ZFHX4: variants seen among roughly 807,000 people sequenced by gnomAD.
ZFHX4 encodes zinc finger homeobox protein 4.
In ZFHX4, 56 loss-of-function variants were observed where a neutral mutation model predicts 267.6. The ratio of observed to expected loss-of-function variants is 0.21; its 90% confidence interval spans 0.17 to 0.26. The LOEUF (loss-of-function observed/expected upper bound fraction) is 0.26, where lower values mean the gene tolerates loss of function less well. Ranked by LOEUF, ZFHX4 falls within the 10% of genes least tolerant of loss-of-function variation. ZFHX4 has a pLI of 1.00. For missense variants in ZFHX4, 4,332 were observed against 4,420.0 expected (o/e 0.98, Z 0.56); for synonymous variants, 1,778 against 1,665.6 (o/e 1.07, Z -1.64).
intron 5 of ZFHX4, among the ~76,000 whole-genome samples, chr8:76,839,256 A>G (rs1386064225): frequency 2.0e-5 from 3 of 152,242 alleles, no homozygotes; most frequent in African/African-American, 4.8e-5. Flanking sequence ...TAAGCTAGTC[A>G]TTCAAAAACA....
chr8:76,745,538 G>C (rs1296368452), intron 3 of ZFHX4, among the ~76,000 whole-genome samples: 1 of 151,622 alleles, frequency 6.6e-6, no homozygotes, highest in Non-Finnish European at 1.5e-5. Flanking sequence ...TAGTTGAAAA[G>C]TCAATTATTT....
At chr8:76,824,961 T>TA (rs900659080) in intron 4 of ZFHX4, among the ~76,000 whole-genome samples, 4 of 152,286 alleles carry the variant, frequency 2.6e-5, no homozygotes, top group Non-Finnish European at 4.4e-5. Flanking sequence ...GGGATTTACT[T>TA]AAAAAAATAA....
intron 2 of ZFHX4, 32 bp from the exon 3 acceptor site, chr8:76,707,514 C>G (rs1374649142): frequency 2.7e-6 from 4 of 1,472,366 alleles, no homozygotes; most frequent in South Asian, 2.8e-5. Flanking sequence ...TTTCTAGTCT[C>G]TATTTTTCCT....
rs766242076 is a variant in ZFHX4 at position 76,851,113 on chromosome 8, C to G, written c.4192C>G (p.Arg1398Gly). ...TTCTGACCGTCATGTCTACAAGTAT[C>G]GCTGTAACCATTGTAGCTTGGCTTT... ...SVSDRHVYKYRCNHCSLAFKT... is the reference protein window; with the variant it reads ...SVSDRHVYKYGCNHCSLAFKT... The change falls in exon 10 of 11, where the codon CGC becomes GGC. Residue 1398 changes from arginine (R) to glycine (G), a missense_variant. Arg to Gly is a moderately radical substitution (Grantham distance 125). Around this residue, in one of 7 missense-constraint regions of ZFHX4, gnomAD observed 1,371 missense variants for 1,423.1 expected, o/e 0.96. Transcript: ENST00000651372. 4 of 1,613,990 alleles carry G rather than the reference C, an allele frequency of 2.5e-6. No homozygotes were observed. The highest frequency in any genetic ancestry group is 3.4e-6 in the Non-Finnish European group (4 of 1,179,884).
chr8:76,803,013 A>T (rs1379458038), intron 4 of ZFHX4, among the ~76,000 whole-genome samples: 2 of 152,132 alleles, frequency 1.3e-5, no homozygotes, highest in African/African-American at 2.4e-5. Context: ...AGTCTTTTGT[A>T]TCCTTTAGTG....
intron 3 of ZFHX4, among the ~76,000 whole-genome samples, chr8:76,742,797 T>C (rs1372537931): frequency 6.6e-6 from 1 of 152,156 alleles, no homozygotes; most frequent in Non-Finnish European, 1.5e-5. Flanking sequence ...TGGCCATCAA[T>C]AGTATATTCC....
intron 3 of ZFHX4, among the ~76,000 whole-genome samples, chr8:76,732,472 A>T (rs914410923): frequency 1.3e-5 from 2 of 151,860 alleles, no homozygotes; most frequent in African/African-American, 4.8e-5. Flanking sequence ...CTACATTATT[A>T]TAATATATAT....
rs192871121 is a variant in ZFHX4, at chr8:76,864,404, G to T, written c.10690G>T (p.Val3564Phe). 1.2e-6 allele frequency: 2 copies of T among 1,613,690 alleles called. No homozygotes were observed. The highest frequency in any genetic ancestry group is 1.7e-5 in the Admixed American group (1 of 59,980). The stretch of plus-strand genomic sequence containing the variant: ...CTCAAGTTTGTGCAGCACCTCAGGG[G>T]TTCAAACCTCACTACCCACAGAAAG... ...VTSSLCSTSG[V>F]QTSLPTESCS... The change falls in exon 11 of 11, where the codon GTT becomes TTT. Residue 3564 changes from valine (V) to phenylalanine (F), a missense_variant. Coordinates refer to ENST00000651372, the MANE Select transcript of ZFHX4 (RefSeq NM_024721.5).
At chr8:76,695,752 C>A (rs899002989) in intron 1 of ZFHX4, among the ~76,000 whole-genome samples, 51 of 152,334 alleles carry the variant, frequency 3.3e-4, no homozygotes, top group African/African-American at 1.2e-3. Context: ...GTGAAATAAT[C>A]TGATACCTGT....
At chr8:76,724,207 C>T (rs147126828) in intron 3 of ZFHX4, among the ~76,000 whole-genome samples, 118 of 151,996 alleles carry the variant, frequency 7.8e-4, no homozygotes, top group African/African-American at 2.7e-3. Context: ...AATTGGGGGA[C>T]CACTGGACTA....
At chr8:76,798,801 G>A (rs1297482210) in intron 4 of ZFHX4, among the ~76,000 whole-genome samples, 1 of 152,100 alleles carries the variant, frequency 6.6e-6, no homozygotes. Flanking sequence ...GACCACATTT[G>A]ATTTGGATGC....
intron 3 of ZFHX4, among the ~76,000 whole-genome samples, chr8:76,752,995 T>A (rs1809661519): frequency 6.6e-6 from 1 of 152,238 alleles, no homozygotes; most frequent in African/African-American, 2.4e-5. Context: ...TGTGTATTTG[T>A]ACCAGTGCAT....
intron 1 of ZFHX4, among the ~76,000 whole-genome samples, chr8:76,699,682 G>C (rs1362918103): frequency 6.6e-6 from 1 of 151,290 alleles, no homozygotes; most frequent in African/African-American, 2.4e-5. Context: ...GTAAAAGTGA[G>C]GTAGCGATAG....
intron 10 of ZFHX4, 108 bp downstream of exon 10, chr8:76,856,408 T>C (rs1470530237): frequency 4.8e-6 from 6 of 1,253,022 alleles, no homozygotes; most frequent in Non-Finnish European, 6.8e-6. Flanking sequence ...TTTCAGCTAG[T>C]GAAATCAATA....
intron 5 of ZFHX4, among the ~76,000 whole-genome samples, 196 bp from the exon 6 acceptor site, chr8:76,842,459 C>G (rs901466741): frequency 1.3e-5 from 2 of 152,042 alleles, no homozygotes; most frequent in Non-Finnish European, 2.9e-5. Context: ...AAAGAAGATC[C>G]TTTAGATACA....
intron 6 of ZFHX4, among the ~76,000 whole-genome samples, chr8:76,846,771 T>G (rs965487658): frequency 7.2e-5 from 11 of 152,126 alleles, no homozygotes; most frequent in African/African-American, 2.4e-4. Context: ...TTATATATGC[T>G]TATGGAAATG....
chr8:76,807,690 A>G (rs1811278795), intron 4 of ZFHX4, among the ~76,000 whole-genome samples: 1 of 152,172 alleles, frequency 6.6e-6, no homozygotes, highest in African/African-American at 2.4e-5. Context: ...CAGCCCTGTT[A>G]AGATGCCATT....
chr8:76,714,138 GCAGA>G (rs1808503845), intron 3 of ZFHX4, among the ~76,000 whole-genome samples: 1 of 152,168 alleles, frequency 6.6e-6, no homozygotes, highest in African/African-American at 2.4e-5. Flanking sequence ...TTTAGGTAAT[GCAGA>G]CAAAGGTGTT....
chr8:76,853,427 C>G lies in ZFHX4; in HGVS notation c.6506C>G (p.Ser2169Cys). Residue 2169 changes from serine (S) to cysteine (C), a missense_variant, in exon 10 of 11, where the codon TCC (serine) becomes TGC (cysteine). Ser to Cys is a moderately radical substitution (Grantham distance 112, BLOSUM62 -1). Transcript: ENST00000651372. The part of the protein sequence containing the change: ...IQEMAEKSGL[S>C]QKVIKHWFRN... The stretch of plus-strand genomic sequence containing the variant: ...GAAATGGCAGAGAAATCTGGCCTCT[C>G]CCAAAAAGTTATCAAACACTGGTTT... 1 of 1,613,778 alleles carries G rather than the reference C, an allele frequency of 6.2e-7. No individual in the cohort carries two copies. Among genetic ancestry groups the G allele is most frequent in the Non-Finnish European group, 8.5e-7 (1 of 1,179,844 alleles).
Sources: allele counts gnomAD v4.1 joint callset (sites outside exome capture counted in the v4.1 genomes callset), GRCh38; gene constraint gnomAD v4.1.1; regional missense constraint gnomAD v4.1.1; transcripts MANE v1.5; gene names NCBI Gene and HGNC (gene_info 2026-07-23, HGNC 2026-07-21).